SPTBN5: variants seen among roughly 807,000 people sequenced by gnomAD.
SPTBN5 encodes spectrin beta chain, non-erythrocytic 5.
A neutral mutation model predicts 477.6 loss-of-function variants in SPTBN5; 513 were observed. The ratio of observed to expected loss-of-function variants is 1.07; its 90% confidence interval spans 1.00 to 1.16. The LOEUF (loss-of-function observed/expected upper bound fraction) is 1.16, where lower values mean the gene tolerates loss of function less well. Ranked by LOEUF, SPTBN5 falls within the 50% of genes most tolerant of loss-of-function variation. The pLI is 0.00. For synonymous variants in SPTBN5, 2,169 were observed against 2,011.7 expected (o/e 1.08, Z -2.09); for missense variants, 5,062 against 4,731.8 (o/e 1.07, Z -2.05).
intron 7 of SPTBN5, among the ~76,000 whole-genome samples, chr15:41,884,599 A>C (rs534857898): frequency 5.9e-5 from 9 of 152,098 alleles, no homozygotes. Context: ...CCTTGGATCT[A>C]TTCCCAACAT....
At chr15:41,886,640 C>T (rs2067161592) in intron 6 of SPTBN5, among the ~76,000 whole-genome samples, 1 of 152,164 alleles carries the variant, frequency 6.6e-6, no homozygotes, top group South Asian at 2.1e-4. Context: ...GGGGTTGAGG[C>T]CCTTCAGGCT....
At chr15:41,852,576 A>G in intron 61 of SPTBN5, 58 bp downstream of exon 61, 5 of 1,545,728 alleles carry the variant, frequency 3.2e-6, no homozygotes, top group Non-Finnish European at 4.5e-6. Context: ...ACTGACTTGC[A>G]GGCTGAGAGG....
chr15:41,893,097 C>T (rs752442741), intron 2 of SPTBN5, 36 bp from the exon 3 acceptor site: 17 of 1,599,834 alleles, frequency 1.1e-5, no homozygotes, highest in Middle Eastern at 1.7e-4. Context: ...GGGGTCAGCC[C>T]AGCCTCACCT....
At chr15:41,892,830 G>A in intron 3 of SPTBN5, 64 bp downstream of exon 3, 1 of 1,502,468 alleles carries the variant, frequency 6.7e-7, no homozygotes, top group Non-Finnish European at 8.9e-7. Context: ...AGGTGACCCA[G>A]TAGTTCAGCC....
At chr15:41,853,868 C>CT in intron 57 of SPTBN5, 81 bp from the exon 58 acceptor site, 1 of 1,445,268 alleles carries the variant, frequency 6.9e-7, no homozygotes, top group Non-Finnish European at 9.2e-7. Context: ...CCAGGCCTCT[C>CT]TGAGGAACCA....
chr15:41,876,120 C>T lies in SPTBN5; in HGVS notation c.4116G>A (p.Leu1372=), dbSNP rs764920988. The T allele has an allele frequency of 4.4e-6, 7 of 1,599,056 alleles. No individual in the cohort carries two copies. The highest frequency in any genetic ancestry group is 1.7e-5 in the Admixed American group (1 of 59,954). The change falls in exon 21 of 68, where the codon CTG becomes CTA. Residue 1372 remains leucine, a synonymous_variant. Transcript: ENST00000320955. ...LLATRRHVEA[L]QQVGRELLSR... ...TCTGTCCCGTGTCCCCCACCTGCTG[C>T]AGGGCCTCCACGTGTCTGCGGGTGG...
At chr15:41,874,783 TG>T (rs2066664625) in intron 23 of SPTBN5, 58 bp downstream of exon 23, 1 of 1,530,860 alleles carries the variant, frequency 6.5e-7, no homozygotes, top group Non-Finnish European at 8.9e-7. Flanking sequence ...TGCCATCTTG[TG>T]GGACCTTAAA....
intron 46 of SPTBN5, among the ~76,000 whole-genome samples, chr15:41,861,097 G>A (rs2066090345): frequency 6.6e-6 from 1 of 152,256 alleles, no homozygotes; most frequent in Admixed American, 6.5e-5. Context: ...TCTGCTTCAG[G>A]GTTGGGGCAG....
At position 41,874,496 on chromosome 15, in the gene SPTBN5, A is replaced by G. The variant is rs776562929; in HGVS notation, c.4503-18T>C. On this transcript the variant is annotated intron_variant, in intron 23 of 67. Transcript: ENST00000320955. ...GCTCCAGCCTAGGAGGAGGAGGAAG[A>G]GATTGGAGAGGTTGGGAACAGAGTG... is the stretch of plus-strand genomic sequence containing the variant. The G allele has an allele frequency of 1.9e-6, 3 of 1,584,484 alleles. No individual in the cohort carries two copies. The highest frequency in any genetic ancestry group is 2.6e-6 in the Non-Finnish European group (3 of 1,167,540).
intron 39 of SPTBN5, among the ~76,000 whole-genome samples, chr15:41,864,809 G>A (rs1357610604): frequency 6.6e-6 from 1 of 152,234 alleles, no homozygotes; most frequent in East Asian, 1.9e-4. Flanking sequence ...CGCAGGGTGT[G>A]ATTGCAGATC....
chr15:41,848,631 G>C lies in SPTBN5; in HGVS notation c.11013-3C>G. On this transcript the variant is annotated splice_region_variant and splice_polypyrimidine_tract_variant and intron_variant, in intron 67 of 67. Transcript: ENST00000320955. Reference sequence around the variant, plus strand: ...GGGGTTCACCTCAGGGATCAGACCTGTTGGGAAAACGGAATGAATTTAGTA... The same window carrying C: ...GGGGTTCACCTCAGGGATCAGACCTCTTGGGAAAACGGAATGAATTTAGTA... 1 of 1,613,912 alleles carries C rather than the reference G, an allele frequency of 6.2e-7. No individual in the cohort carries two copies. Among genetic ancestry groups the C allele is most frequent in the African/African-American group, 1.3e-5 (1 of 75,030 alleles).
rs369099283 is a variant in SPTBN5, at chr15:41,855,752, G to A, written c.9022-7C>T. 52 of 1,568,970 alleles carry A rather than the reference G, an allele frequency of 3.3e-5. No homozygotes were observed. The African/African-American group carries it at 3.4e-4, about 10-fold the overall frequency. ...AGGATCCCGCCTCCAGGAGCTGGGG[G>A]TGACAGAGTGGAGATCCGTTTTCCC... On this transcript the variant is annotated splice_region_variant and splice_polypyrimidine_tract_variant and intron_variant, in intron 53 of 67. Transcript: ENST00000320955.
Position 41,883,013 on chromosome 15 carries a change from C to A in SPTBN5, c.1875G>T (p.Val625=). ...GCTCTTACCGGGCCCTGACAAGAGC[C>A]ACCAGGCTCTGTTGGAGCTGGGCCA... is the stretch of plus-strand genomic sequence containing the variant. ...RTLAQLQQSL[V]ALVRARRALL... Residue 625 remains valine (V), a synonymous_variant, in exon 9 of 68, where the codon GTG becomes GTT. Transcript: ENST00000320955. The A allele has an allele frequency of 6.5e-7, 1 of 1,546,684 alleles. No individual in the cohort carries two copies. The highest frequency in any genetic ancestry group is 8.7e-7 in the Non-Finnish European group (1 of 1,149,658).
rs200217235 is a variant in SPTBN5 at position 41,875,529 on chromosome 15, G to T, written c.4216C>A (p.Arg1406Ser). The T allele has an allele frequency of 9.9e-6, 16 of 1,612,176 alleles. No homozygotes were observed. Among genetic ancestry groups the T allele is most frequent in the Non-Finnish European group, 1.2e-5 (14 of 1,179,308 alleles). The change falls in exon 22 of 68, where the codon CGC (arginine) becomes AGC (serine). Residue 1406 changes from arginine (R) to serine (S), a missense_variant. Coordinates refer to ENST00000320955, the MANE Select transcript of SPTBN5 (RefSeq NM_016642.4). ...GLRSKWEALNRKMTERGDELQ... is the reference protein window; with the variant it reads ...GLRSKWEALNSKMTERGDELQ... ...TCGTCCCCACGCTCAGTCATCTTGC[G>T]GTTCAAAGCTTCCCACTTGCTTCTC...
At position 41,876,661 on chromosome 15, in the gene SPTBN5, G is replaced by C; in HGVS notation, c.3852-14C>G. The stretch of plus-strand genomic sequence containing the variant: ...TGCTCTCTGACCCTGGAGGGCGGGG[G>C]GGGGTTGGAGGAGGGCATGGGAGAG... On this transcript the variant is annotated splice_polypyrimidine_tract_variant and intron_variant, in intron 19 of 67. Coordinates refer to ENST00000320955, the MANE Select transcript of SPTBN5 (RefSeq NM_016642.4). 2.8e-6 allele frequency: 4 copies of C among 1,440,084 alleles called. No individual in the cohort carries two copies. Among genetic ancestry groups the C allele is most frequent in the South Asian group, 1.2e-5 (1 of 85,302 alleles). The allele number at this position is 1,440,084 out of a possible 1,614,324, so 89.2% of individuals were successfully genotyped here.
rs2067125364 is a variant in SPTBN5 at position 41,885,748 on chromosome 15, C to G, written c.1507G>C (p.Asp503His). ...LRQEQYHSWA[D>H]VARRQEEVTV... ...GCTGGGGCTCACCTGCGGGCCACAT[C>G]TGCCCAGCTGTGGTACTGCTCCTGC... Residue 503 changes from aspartate (D) to histidine (H), a missense_variant, in exon 7 of 68, where the codon GAT (aspartate) becomes CAT (histidine). By Grantham distance (81) the Asp-to-His change is moderately conservative. Coordinates refer to ENST00000320955, the MANE Select transcript of SPTBN5 (RefSeq NM_016642.4). 3.9e-6 allele frequency: 6 copies of G among 1,556,208 alleles called. No individual in the cohort carries two copies. Among genetic ancestry groups the G allele is most frequent in the Non-Finnish European group, 5.2e-6 (6 of 1,150,102 alleles).
intron 43 of SPTBN5, 72 bp from the exon 44 acceptor site, chr15:41,862,364 G>A: frequency 2.0e-6 from 3 of 1,535,534 alleles, no homozygotes; most frequent in Admixed American, 3.8e-5. Flanking sequence ...GGTGTCTTCT[G>A]TCCCTTAATC....
Position 41,855,748 on chromosome 15 carries a change from G to T in SPTBN5, c.9022-3C>A. ...AGCCAGGATCCCGCCTCCAGGAGCT[G>T]GGGGTGACAGAGTGGAGATCCGTTT... On this transcript the variant is annotated splice_region_variant and splice_polypyrimidine_tract_variant and intron_variant, in intron 53 of 67. Coordinates refer to ENST00000320955, the MANE Select transcript of SPTBN5 (RefSeq NM_016642.4). The T allele has an allele frequency of 6.4e-7, 1 of 1,571,288 alleles. No individual in the cohort carries two copies. The highest frequency in any genetic ancestry group is 2.3e-5 in the East Asian group (1 of 43,470).
rs756750828 is a variant in SPTBN5, at chr15:41,882,069, T to C, written c.2324A>G (p.Gln775Arg). 1 of 1,567,842 alleles carries C rather than the reference T, an allele frequency of 6.4e-7. No individual in the cohort carries two copies. The change falls in exon 12 of 68, where the codon CAG (glutamine) becomes CGG (arginine). Residue 775 changes from glutamine (Q) to arginine (R), a missense_variant. By Grantham distance (43) the Gln-to-Arg change is conservative. Transcript: ENST00000320955. Reference protein sequence around the residue: ...RSSLERASCGQDQAAAETLLR... With the variant: ...RSSLERASCGRDQAAAETLLR... ...CAGGGTCTCGGCGGCCGCCTGGTCC[T>C]GACCGCAGGACGCTCTCTCCAGCGA...
Sources: gnomAD v4.1 joint callset for allele counts (sites outside exome capture counted in the v4.1 genomes callset) on GRCh38, gnomAD v4.1.1 for gene constraint, MANE v1.5 for transcripts, NCBI Gene and HGNC (gene_info 2026-07-23, HGNC 2026-07-21) for gene names.